PALM: variants seen among roughly 807,000 people sequenced by gnomAD.
PALM encodes paralemmin-1.
Under a neutral mutation model 30.7 loss-of-function variants are expected in PALM, and 18 were observed. That is an observed-to-expected ratio of 0.59 (90% CI 0.41 to 0.87). The LOEUF (loss-of-function observed/expected upper bound fraction) is 0.87. Among genes scored for constraint, PALM ranks in the 40% least tolerant of loss-of-function variants. The pLI, the probability that PALM is intolerant of heterozygous loss-of-function variation, is 0.00. For synonymous variants in PALM, 286 were observed against 242.8 expected (o/e 1.18, Z -1.66); for missense variants, 529 against 555.4 (o/e 0.95, Z 0.48).
intron 3 of PALM, 149 bp downstream of exon 3, chr19:727,237 C>CAACCCT (rs1568225363): frequency 5.0e-5 from 26 of 520,224 alleles, no homozygotes; most frequent in Middle Eastern, 5.0e-4. Context: ...ACCCTGACCC[C>CAACCCT]GACCCCGACC....
rs925846698 is a variant in PALM at position 709,916 on chromosome 19, G to T, written c.5+765G>T. On this transcript the variant is annotated intron_variant, in intron 1 of 8. Transcript: ENST00000338448. This position sits in a 1 kb window ranked among gnomAD's most constrained non-coding sequence, Gnocchi z 4.3. ...CATGGCTGCGCCTGTGTGTGTGGGG[G>T]GGGGGTGGCCAGTGGAGGCACCGAG... 6.6e-5 allele frequency among the ~76,000 whole-genome samples: 10 copies of T among 152,166 alleles called. No homozygotes were observed. Among genetic ancestry groups the T allele is most frequent in the Admixed American group, 6.5e-4 (10 of 15,286 alleles).
chr19:741,132 C>A (rs1568233220), intron 8 of PALM, among the ~76,000 whole-genome samples: 1 of 152,064 alleles, frequency 6.6e-6, no homozygotes, highest in Non-Finnish European at 1.5e-5. Context: ...GAGTGAGACC[C>A]TGTCTCTTAA....
chr19:728,291 C>G (rs2032758334), intron 4 of PALM, among the ~76,000 whole-genome samples: 1 of 152,218 alleles, frequency 6.6e-6, no homozygotes, highest in South Asian at 2.1e-4. Context: ...GCAGCAGGGT[C>G]AGGGTGGAGG....
rs958198634 is a variant in PALM at position 741,021 on chromosome 19, C to A, written c.634+538C>A. Among the ~76,000 whole-genome samples, 13 of 151,542 alleles carry A rather than the reference C, an allele frequency of 8.6e-5. No individual in the cohort carries two copies. The East Asian group carries it at 9.7e-4, about 11-fold the overall frequency. On this transcript the variant is annotated intron_variant, in intron 8 of 8. Transcript: ENST00000338448. ...TGGCATGGTGGTGCGTGCCTGTGGT[C>A]CCAGCTACTTGGGAGGCTGAGATGG...
At chr19:719,666 T>A in intron 1 of PALM, 1 of 977,314 alleles carries the variant, frequency 1.0e-6, no homozygotes, top group Non-Finnish European at 1.2e-6. Context: ...ATGTAAGACC[T>A]TTTGTGATCC....
chr19:711,945 T>C (rs1015668652), intron 1 of PALM, among the ~76,000 whole-genome samples: 2 of 152,096 alleles, frequency 1.3e-5, no homozygotes, highest in African/African-American at 4.8e-5. Flanking sequence ...ATTTATTCAC[T>C]CGGCAACCAT....
At chr19:716,274 A>G (rs1037483212) in intron 1 of PALM, among the ~76,000 whole-genome samples, 1 of 152,100 alleles carries the variant, frequency 6.6e-6, no homozygotes, top group African/African-American at 2.4e-5. Flanking sequence ...TTAGCCAGGC[A>G]TGGTGGCAGG....
chr19:726,488 C>T (rs543334579), intron 2 of PALM, among the ~76,000 whole-genome samples: 2 of 152,204 alleles, frequency 1.3e-5, no homozygotes, highest in East Asian at 3.9e-4. Context: ...GATGGGAGCA[C>T]AGATGTGCTT....
intron 1 of PALM, among the ~76,000 whole-genome samples, chr19:719,879 G>A (rs1346127098): frequency 6.6e-6 from 1 of 152,192 alleles, no homozygotes; most frequent in Non-Finnish European, 1.5e-5. Flanking sequence ...CGCTGGGGGA[G>A]GCGTTCTCGG....
At chr19:728,558 A>G (rs1453656740) in intron 4 of PALM, among the ~76,000 whole-genome samples, 1 of 152,206 alleles carries the variant, frequency 6.6e-6, no homozygotes, top group Non-Finnish European at 1.5e-5. Flanking sequence ...CCCTGATCCC[A>G]GCACTTTGGG....
At chr19:744,409 A>AAC (rs1399605087) in intron 8 of PALM, among the ~76,000 whole-genome samples, 1 of 151,714 alleles carries the variant, frequency 6.6e-6, no homozygotes, top group African/African-American at 2.4e-5. Flanking sequence ...CAAAAAAAAA[A>AAC]AAAAATAGAA....
Position 746,603 on chromosome 19 carries a change from T to C in PALM, c.953T>C (p.Leu318Pro). 1.2e-6 allele frequency: 2 copies of C among 1,613,276 alleles called. No individual in the cohort carries two copies. Among genetic ancestry groups the C allele is most frequent in the Non-Finnish European group, 1.7e-6 (2 of 1,179,898 alleles). The change falls in exon 9 of 9, where the codon CTG (leucine) becomes CCG (proline). Residue 318 changes from leucine (L) to proline (P), a missense_variant. Physicochemically the swap from Leu to Pro is moderately conservative, Grantham distance 98 (BLOSUM62 -3). Coordinates refer to ENST00000338448, the MANE Select transcript of PALM (RefSeq NM_002579.3). This position sits in a 1 kb window ranked among gnomAD's most constrained non-coding sequence, Gnocchi z 7.1. ...VEDEAETKKV[L>P]GLQDTITAEL... ...GATGAGGCCGAGACCAAGAAGGTGC[T>C]GGGCCTTCAAGATACCATCACGGCG...
rs2033366529 is a variant in PALM at position 746,930 on chromosome 19, T to C, written c.*116T>C. 3 of 661,010 alleles carry C rather than the reference T, an allele frequency of 4.5e-6. No individual in the cohort carries two copies. In the African/African-American group the frequency reaches 5.5e-5, roughly 12 times the overall value. The allele number at this position is 661,010 out of a possible 1,614,324, so 40.9% of individuals were successfully genotyped here. A position where few individuals can be genotyped will look rare whatever the true frequency, so the allele number is the denominator to read the frequency against. On this transcript the variant is annotated 3_prime_UTR_variant, in exon 9 of 9. Coordinates refer to ENST00000338448, the MANE Select transcript of PALM (RefSeq NM_002579.3). This position sits in a 1 kb window ranked among gnomAD's most constrained non-coding sequence, Gnocchi z 7.1. ...CTCACGGGTCCAGGACTTGGCGTGT[T>C]GTTACATGTTCCTTCCGAGTTTTCT...
At chr19:710,757 C>G (rs1274447555) in intron 1 of PALM, among the ~76,000 whole-genome samples, 1 of 151,812 alleles carries the variant, frequency 6.6e-6, no homozygotes, top group Non-Finnish European at 1.5e-5. Context: ...GGGTGGCCCA[C>G]AGGTCCCCCA....
chr19:743,975 A>G (rs2144928919), intron 8 of PALM, among the ~76,000 whole-genome samples: 1 of 152,310 alleles, frequency 6.6e-6, no homozygotes, highest in Admixed American at 6.5e-5. Flanking sequence ...AGGTTTTAGG[A>G]CTGTTAACAG....
Position 731,145 on chromosome 19 carries a change from C to A in PALM, c.320C>A (p.Thr107Asn). The A allele has an allele frequency of 1.2e-6, 2 of 1,608,506 alleles. No homozygotes were observed. The highest frequency in any genetic ancestry group is 1.7e-6 in the Non-Finnish European group (2 of 1,178,008). Residue 107 changes from threonine (T) to asparagine (N), a missense_variant, in exon 5 of 9, where the codon ACT becomes AAT. Thr to Asn is a moderately conservative substitution (Grantham distance 65). Coordinates refer to ENST00000338448, the MANE Select transcript of PALM (RefSeq NM_002579.3). ...VLERGDSAPA[T>N]AKENAAAPSP... ...GAGCGTGGAGACTCCGCCCCAGCCA[C>A]TGCCAAGGAGAACGCGGCGGCCCCG...
At chr19:713,727 C>T (rs562277318) in intron 1 of PALM, among the ~76,000 whole-genome samples, 2 of 151,846 alleles carry the variant, frequency 1.3e-5, no homozygotes, top group East Asian at 1.9e-4. Context: ...TACAGGCATG[C>T]GCCACTGCGC....
rs565066435 is a variant in PALM, at chr19:741,032, G to A, written c.634+549G>A. ...TGCGTGCCTGTGGTCCCAGCTACTT[G>A]GGAGGCTGAGATGGGAGGATCACTT... On this transcript the variant is annotated intron_variant, in intron 8 of 8. Coordinates refer to ENST00000338448, the MANE Select transcript of PALM (RefSeq NM_002579.3). Among the ~76,000 whole-genome samples the A allele has an allele frequency of 7.2e-5, 11 of 152,032 alleles. No individual in the cohort carries two copies. The South Asian group carries it at 2.3e-3, about 32-fold the overall frequency.
At chr19:744,908 G>A (rs1166273161) in intron 8 of PALM, among the ~76,000 whole-genome samples, 2 of 149,086 alleles carry the variant, frequency 1.3e-5, no homozygotes, top group African/African-American at 2.5e-5. Flanking sequence ...CAGCAGGCAC[G>A]GTGGCTCACG....
Sources: gnomAD v4.1 joint callset for allele counts (sites outside exome capture counted in the v4.1 genomes callset) on GRCh38, gnomAD v4.1.1 for gene constraint, Gnocchi (gnomAD v3.1) non-coding constraint, MANE v1.5 for transcripts, NCBI Gene and HGNC (gene_info 2026-07-23, HGNC 2026-07-21) for gene names.